CTNNA3: variants seen among roughly 807,000 people sequenced by gnomAD.
CTNNA3 encodes the protein catenin alpha-3.
Under a neutral mutation model 95.7 loss-of-function variants are expected in CTNNA3, and 76 were observed. The ratio of observed to expected loss-of-function variants is 0.79; its 90% confidence interval spans 0.66 to 0.96. CTNNA3 has a LOEUF of 0.96. Among genes scored for constraint, CTNNA3 ranks in the 40% least tolerant of loss-of-function variants. The pLI is 0.00. For synonymous variants in CTNNA3, 431 were observed against 374.4 expected, an observed-to-expected ratio of 1.15 and a Z score of -1.74; for missense variants, 1,191 against 1,089.8, an observed-to-expected ratio of 1.09 and a Z score of -1.31.
chr10:66,751,497 G>A (rs1029196959), intron 9 of CTNNA3, among the ~76,000 whole-genome samples: 1 of 151,992 alleles, frequency 6.6e-6, no homozygotes, highest in Admixed American at 6.6e-5. Context: ...TATATTTATT[G>A]TAATATTATT....
intron 1 of CTNNA3, chr10:67,751,293 T>A (rs1841405918): frequency 1.1e-6 from 1 of 949,966 alleles, no homozygotes; most frequent in Admixed American, 1.8e-5. Context: ...GTGTGACATC[T>A]CCACTCAAGT....
chr10:66,157,672 T>G (rs780135579), intron 13 of CTNNA3, among the ~76,000 whole-genome samples: 27 of 152,112 alleles, frequency 1.8e-4, no homozygotes, highest in Non-Finnish European at 3.2e-4. Flanking sequence ...TCTTTTCCTC[T>G]GGGTAGATAC....
chr10:66,941,897 G>A (rs558547000), intron 7 of CTNNA3, among the ~76,000 whole-genome samples: 161 of 152,238 alleles, frequency 1.1e-3, no homozygotes, highest in Middle Eastern at 3.4e-3. Flanking sequence ...TAGATGGGCC[G>A]GCAGAGTTTT....
At chr10:67,011,468 C>G (rs538426858) in intron 7 of CTNNA3, among the ~76,000 whole-genome samples, 1 of 152,112 alleles carries the variant, frequency 6.6e-6, no homozygotes, top group Non-Finnish European at 1.5e-5. Context: ...AATTAGGAAG[C>G]CAGAAAGTGC....
chr10:66,420,825 A>ATAAAT (rs1554959938), intron 11 of CTNNA3, among the ~76,000 whole-genome samples: 1 of 107,342 alleles, frequency 9.3e-6, no homozygotes, highest in African/African-American at 4.4e-5. Flanking sequence ...AAATAAATAA[A>ATAAAT]TAAATAAATA....
intron 10 of CTNNA3, among the ~76,000 whole-genome samples, chr10:66,608,015 G>A (rs1217249780): frequency 6.6e-6 from 1 of 152,058 alleles, no homozygotes; most frequent in East Asian, 1.9e-4. Flanking sequence ...AGTTATTCCT[G>A]TTTGCAGATG....
At chr10:67,563,853 A>C (rs1841641842) in intron 3 of CTNNA3, among the ~76,000 whole-genome samples, 1 of 150,160 alleles carries the variant, frequency 6.7e-6, no homozygotes, top group Non-Finnish European at 1.5e-5. Flanking sequence ...GACACTTCTC[A>C]AAAGAAGACA....
chr10:66,495,580 T>C (rs1010874274), intron 11 of CTNNA3, among the ~76,000 whole-genome samples: 2 of 152,130 alleles, frequency 1.3e-5, no homozygotes, highest in Non-Finnish European at 2.9e-5. Flanking sequence ...ATCTACGTAA[T>C]TGGGAAGTTT....
chr10:67,072,671 T>C (rs74895764), intron 7 of CTNNA3, among the ~76,000 whole-genome samples: 13,256 of 152,238 alleles, frequency 0.087, 662 homozygotes, highest in Non-Finnish European at 0.11. Context: ...TGGATTTTGA[T>C]TGAAAGCCTG....
intron 9 of CTNNA3, among the ~76,000 whole-genome samples, chr10:66,722,379 A>C (rs79487473): frequency 4.7e-5 from 1 of 21,234 alleles, no homozygotes; most frequent in African/African-American, 1.0e-4. Flanking sequence ...CCCTGTCTCA[A>C]AAAAAAAAAA....
intron 7 of CTNNA3, among the ~76,000 whole-genome samples, chr10:66,847,355 A>ATAT (rs1843317592): frequency 6.6e-6 from 1 of 152,220 alleles, no homozygotes; most frequent in Admixed American, 6.5e-5. Flanking sequence ...TTATACAGAA[A>ATAT]ACATGGTGAC....
intron 5 of CTNNA3, among the ~76,000 whole-genome samples, chr10:67,273,590 A>G (rs1172496464): frequency 6.6e-6 from 1 of 152,184 alleles, no homozygotes; most frequent in African/African-American, 2.4e-5. Flanking sequence ...ATTTAAGAGA[A>G]ATAAAAGTAT....
intron 7 of CTNNA3, among the ~76,000 whole-genome samples, chr10:66,890,551 C>T (rs1475982460): frequency 2.0e-5 from 3 of 151,908 alleles, no homozygotes; most frequent in African/African-American, 7.3e-5. Context: ...GATTTGGTAG[C>T]ATGGAGATCT....
intron 10 of CTNNA3, among the ~76,000 whole-genome samples, chr10:66,586,244 G>A (rs1843357015): frequency 6.6e-6 from 1 of 152,088 alleles, no homozygotes; most frequent in Non-Finnish European, 1.5e-5. Flanking sequence ...CAGGCTTCAG[G>A]CCAGTAGGAG....
chr10:66,774,104 C>T (rs1041424693), intron 8 of CTNNA3, among the ~76,000 whole-genome samples: 3 of 152,058 alleles, frequency 2.0e-5, no homozygotes, highest in Admixed American at 6.6e-5. Flanking sequence ...ATTCTAAAAC[C>T]TTTAGAAGTA....
At chr10:67,045,357 A>G (rs1854662040) in intron 7 of CTNNA3, among the ~76,000 whole-genome samples, 1 of 152,146 alleles carries the variant, frequency 6.6e-6, no homozygotes, top group Non-Finnish European at 1.5e-5. Flanking sequence ...GAAACCCTGG[A>G]GGTCACCAAA....
chr10:67,430,613 A>G (rs1185454212), intron 5 of CTNNA3, among the ~76,000 whole-genome samples: 1 of 151,822 alleles, frequency 6.6e-6, no homozygotes, highest in African/African-American at 2.4e-5. Flanking sequence ...CTTCATGTAT[A>G]CTCAGGTCCA....
chr10:66,879,081 A>G (rs1844744987), intron 7 of CTNNA3, among the ~76,000 whole-genome samples: 1 of 152,064 alleles, frequency 6.6e-6, no homozygotes, highest in Non-Finnish European at 1.5e-5. Context: ...AACACATTCA[A>G]GACAGCCAAG....
chr10:66,025,930 A>G (rs2079324129), intron 15 of CTNNA3, among the ~76,000 whole-genome samples: 1 of 152,198 alleles, frequency 6.6e-6, no homozygotes, highest in South Asian at 2.1e-4. Flanking sequence ...GTACAGTATG[A>G]ACATACACAC....
Sources: allele counts gnomAD v4.1 joint callset (sites outside exome capture counted in the v4.1 genomes callset), GRCh38; gene constraint gnomAD v4.1.1; transcripts MANE v1.5; gene names NCBI Gene and HGNC (gene_info 2026-07-23, HGNC 2026-07-21).